PLEKHG1: variants seen among roughly 807,000 people sequenced by gnomAD.
The protein encoded by PLEKHG1 is pleckstrin homology domain-containing family G member 1.
Under a neutral mutation model 100.8 loss-of-function variants are expected in PLEKHG1, and 44 were observed. That is an observed-to-expected ratio of 0.44 (90% CI 0.34 to 0.56). The LOEUF is 0.56. PLEKHG1 is among the 20% of genes least tolerant of loss of function. The pLI, the probability that PLEKHG1 is intolerant of heterozygous loss-of-function variation, is 0.01. For synonymous variants in PLEKHG1, 640 were observed against 662.5 expected, an observed-to-expected ratio of 0.97 and a Z score of 0.52; for missense variants, 1,545 against 1,720.9, an observed-to-expected ratio of 0.90 and a Z score of 1.81.
rs576234107 is a variant in PLEKHG1, at chr6:150,674,640, T to C, written c.-99+23854T>C. On this transcript the variant is annotated intron_variant, in intron 3 of 3. Coordinates refer to the PLEKHG1 transcript ENST00000367326. ...ACTTTCTCTCTCTCCTCCCTCTCTC[T>C]CTCTCTCTCTCTCTCTCTCTCTCTC... is the stretch of plus-strand genomic sequence containing the variant. Among the ~76,000 whole-genome samples the C allele has an allele frequency of 9.1e-3, 928 of 101,462 alleles. 2 individuals carry two copies. The highest frequency in any genetic ancestry group is 0.029 in the South Asian group (75 of 2,598). 66.6% of individuals were successfully genotyped at this position (101,462 alleles called of 152,430 possible).
At chr6:150,815,501 T>C (rs1165401183) in intron 10 of PLEKHG1, among the ~76,000 whole-genome samples, 2 of 152,240 alleles carry the variant, frequency 1.3e-5, no homozygotes, top group East Asian at 1.9e-4. Flanking sequence ...GAAGGTATTT[T>C]GCATTTTATA....
intron 10 of PLEKHG1, among the ~76,000 whole-genome samples, chr6:150,812,182 G>A (rs1021652547): frequency 2.0e-5 from 3 of 152,132 alleles, no homozygotes; most frequent in African/African-American, 7.2e-5. Flanking sequence ...CGTGCTGCTG[G>A]GCAGGGTCAG....
intron 1 of PLEKHG1, among the ~76,000 whole-genome samples, chr6:150,636,274 G>A (rs1777992398): frequency 6.8e-6 from 1 of 147,692 alleles, no homozygotes; most frequent in Admixed American, 6.8e-5. Context: ...ATCATTGTAT[G>A]TAACTCATGA....
chr6:150,721,602 G>T (rs1385543947), intron 1 of PLEKHG1, among the ~76,000 whole-genome samples: 1 of 152,198 alleles, frequency 6.6e-6, no homozygotes. Context: ...AGGTTCATAT[G>T]CAGTCAAAGT....
chr6:150,634,248 C>G (rs73004311), intron 1 of PLEKHG1, among the ~76,000 whole-genome samples: 2 of 132,688 alleles, frequency 1.5e-5, no homozygotes, highest in Non-Finnish European at 3.0e-5. Flanking sequence ...CGATCTCCCC[C>G]CCAAAAAAAA....
intron 3 of PLEKHG1, among the ~76,000 whole-genome samples, chr6:150,686,311 G>A (rs1420791584): frequency 6.6e-6 from 1 of 152,310 alleles, no homozygotes; most frequent in Non-Finnish European, 1.5e-5. Flanking sequence ...GTATAATTCT[G>A]TGAACACTCC....
At chr6:150,792,399 C>T (rs1212290257) in intron 4 of PLEKHG1, among the ~76,000 whole-genome samples, 7 of 149,922 alleles carry the variant, frequency 4.7e-5, no homozygotes, top group Admixed American at 6.7e-5. Context: ...CCTGGCTGGG[C>T]GCGGTGGCTC....
rs192860101 is a variant in PLEKHG1 at position 150,808,117 on chromosome 6, G to A, written c.913-988G>A. On this transcript the variant is annotated intron_variant, in intron 7 of 15. Coordinates refer to ENST00000358517, the Ensembl canonical transcript of PLEKHG1. ...ATGATAAATGCTGGAGGTGACGGAGGCCCATTTACCCTGATGTGTTTATTA... is the reference window on the plus strand; with the variant it reads ...ATGATAAATGCTGGAGGTGACGGAGACCCATTTACCCTGATGTGTTTATTA... Among the ~76,000 whole-genome samples the A allele has an allele frequency of 7.9e-5, 12 of 152,194 alleles. No individual in the cohort carries two copies. The East Asian group carries it at 1.5e-3, about 20-fold the overall frequency.
intron 1 of PLEKHG1, among the ~76,000 whole-genome samples, chr6:150,623,155 C>T (rs1777377611): frequency 6.6e-6 from 1 of 152,128 alleles, no homozygotes; most frequent in Admixed American, 6.5e-5. Flanking sequence ...CCAGGCCTCA[C>T]TTGAATATAA....
intron 1 of PLEKHG1, among the ~76,000 whole-genome samples, chr6:150,635,466 T>C (rs1021470308): frequency 5.3e-5 from 8 of 152,246 alleles, no homozygotes; most frequent in African/African-American, 1.9e-4. Flanking sequence ...TAAAAACAAT[T>C]GGGAAACAAG....
At chr6:150,696,138 A>G (rs916612533) in intron 3 of PLEKHG1, among the ~76,000 whole-genome samples, 1 of 152,180 alleles carries the variant, frequency 6.6e-6, no homozygotes, top group South Asian at 2.1e-4. Context: ...CAAAGAGACT[A>G]TTTTAGGATG....
At chr6:150,818,259 G>T in intron 11 of PLEKHG1, 43 bp downstream of exon 12, 1 of 1,322,692 alleles carries the variant, frequency 7.6e-7, no homozygotes. Context: ...TTCATTGTCT[G>T]TTTGTATCTA....
intron 3 of PLEKHG1, among the ~76,000 whole-genome samples, chr6:150,657,552 G>C (rs926235408): frequency 2.0e-5 from 3 of 152,176 alleles, no homozygotes; most frequent in African/African-American, 7.2e-5. Context: ...AGCTGCTTTA[G>C]AGCTCTCATT....
intron 3 of PLEKHG1, among the ~76,000 whole-genome samples, chr6:150,769,307 C>T (rs1784594803): frequency 6.6e-6 from 1 of 152,130 alleles, no homozygotes; most frequent in Non-Finnish European, 1.5e-5. Flanking sequence ...TAGGGCCAGA[C>T]ATGGTGGCTC....
intron 10 of PLEKHG1, among the ~76,000 whole-genome samples, chr6:150,814,843 C>G (rs566490208): frequency 6.6e-6 from 1 of 152,268 alleles, no homozygotes; most frequent in South Asian, 2.1e-4. Flanking sequence ...CCTCAGCCAC[C>G]CGAGTAGCTG....
intron 6 of PLEKHG1, 134 bp from the exon 8 acceptor site, chr6:150,804,476 C>T (rs1436899630): frequency 5.8e-6 from 4 of 686,002 alleles, no homozygotes; most frequent in Non-Finnish European, 2.2e-6. Context: ...TGAGCCACCG[C>T]ACCCAGCTGA....
At chr6:150,743,821 T>C (rs149541479) in intron 2 of PLEKHG1, among the ~76,000 whole-genome samples, 9 of 151,888 alleles carry the variant, frequency 5.9e-5, no homozygotes, top group Admixed American at 5.3e-4. Context: ...TTTAACACCA[T>C]AGTTAGTGTT....
intron 3 of PLEKHG1, among the ~76,000 whole-genome samples, chr6:150,711,778 TTAAG>T (rs1407070243): frequency 6.6e-6 from 1 of 152,206 alleles, no homozygotes; most frequent in Admixed American, 6.5e-5. Flanking sequence ...TCAATAAATA[TTAAG>T]TAATTGAATA....
At chr6:150,618,534 C>T (rs185253721) in intron 1 of PLEKHG1, among the ~76,000 whole-genome samples, 3 of 152,116 alleles carry the variant, frequency 2.0e-5, no homozygotes, top group Non-Finnish European at 2.9e-5. Flanking sequence ...CAGTATTGCA[C>T]CGTTTGTCTA....
Sources: gnomAD v4.1 joint callset for allele counts (sites outside exome capture counted in the v4.1 genomes callset) on GRCh38, gnomAD v4.1.1 for gene constraint, MANE v1.5 for transcripts, NCBI Gene and HGNC (gene_info 2026-07-23, HGNC 2026-07-21) for gene names.